MARCHF2: variants seen among roughly 807,000 people sequenced by gnomAD.
MARCHF2 encodes membrane associated ring-CH-type finger 2.
A neutral mutation model predicts 24.0 loss-of-function variants in MARCHF2; 22 were observed. That is an observed-to-expected ratio of 0.92 (90% CI 0.66 to 1.31). The LOEUF (loss-of-function observed/expected upper bound fraction) is 1.31. Among genes scored for constraint, MARCHF2 ranks in the 50% most tolerant of loss-of-function variants. The pLI is 0.00. For synonymous variants in MARCHF2, 154 were observed against 153.0 expected (o/e 1.01, Z -0.05); for missense variants, 301 against 335.3 (o/e 0.90, Z 0.80).
intron 4 of MARCHF2, among the ~76,000 whole-genome samples, chr19:8,435,020 ATT>A (rs199880511): frequency 3.8e-5 from 5 of 130,880 alleles, no homozygotes; most frequent in Non-Finnish European, 1.6e-5. Flanking sequence ...TTATTTTTTA[ATT>A]TTTTTTTTTT....
chr19:8,426,549 G>A, intron 2 of MARCHF2, 60 bp from the exon 3 acceptor site: 1 of 1,422,040 alleles, frequency 7.0e-7, no homozygotes. Flanking sequence ...CCAGTGGGTA[G>A]TGAAGCAGGT....
intron 2 of MARCHF2, among the ~76,000 whole-genome samples, chr19:8,424,942 C>T (rs1370749995): frequency 1.3e-5 from 2 of 152,224 alleles, no homozygotes; most frequent in South Asian, 4.1e-4. Flanking sequence ...TGGTCTCACT[C>T]TGTTGTCCAA....
At chr19:8,434,880 AT>A (rs1967672438) in intron 4 of MARCHF2, among the ~76,000 whole-genome samples, 1 of 150,080 alleles carries the variant, frequency 6.7e-6, no homozygotes, top group Non-Finnish European at 1.5e-5. Flanking sequence ...TAATTTTTGT[AT>A]TTTTAGTAGA....
rs373968381 is a variant in MARCHF2 at position 8,421,848 on chromosome 19, C to T, written c.8C>T (p.Thr3Met). Residue 3 changes from threonine to methionine, a missense_variant, in exon 2 of 5, where the codon ACG becomes ATG. Thr to Met is a moderately conservative substitution (Grantham distance 81, BLOSUM62 -1). Transcript: ENST00000215555. ...ACGGGGCTCCCGGTGGCCATGACGA[C>T]GGGTGACTGCTGCCACCTCCCCGGC... Reference protein sequence around the residue: MTTGDCCHLPGSL... With the variant: MTMGDCCHLPGSL... The T allele has an allele frequency of 4.2e-4, 671 of 1,608,158 alleles. 10 individuals carry two copies. The South Asian group carries it at 5.5e-3, about 13-fold the overall frequency.
intron 1 of MARCHF2, chr19:8,413,811 T>C (rs898864788): frequency 6.6e-5 from 10 of 152,224 alleles, no homozygotes; most frequent in Non-Finnish European, 1.0e-4. Context: ...TATAATATAA[T>C]GACCCAGCCA....
intron 4 of MARCHF2, among the ~76,000 whole-genome samples, chr19:8,431,723 A>G (rs1269832597): frequency 1.3e-5 from 2 of 151,766 alleles, no homozygotes; most frequent in Admixed American, 1.3e-4. Context: ...CTGTAATCCC[A>G]GCTACTCGGG....
chr19:8,420,475 G>A (rs1327493426), intron 1 of MARCHF2, among the ~76,000 whole-genome samples: 6 of 150,666 alleles, frequency 4.0e-5, no homozygotes, highest in Admixed American at 4.0e-4. Flanking sequence ...GGTGGAGGTT[G>A]CAGTGAGCTG....
chr19:8,421,190 T>C (rs1967227983), intron 1 of MARCHF2, among the ~76,000 whole-genome samples: 1 of 150,484 alleles, frequency 6.6e-6, no homozygotes, highest in Non-Finnish European at 1.5e-5. Flanking sequence ...TGGCGTGATC[T>C]CGGCTCACTG....
intron 1 of MARCHF2, among the ~76,000 whole-genome samples, chr19:8,419,855 TAAAAA>T (rs1019224137): frequency 2.3e-5 from 3 of 128,834 alleles, no homozygotes; most frequent in Non-Finnish European, 4.9e-5. Context: ...AAATAAAAAA[TAAAAA>T]TAAAAATAAA....
At chr19:8,426,250 AAAAG>A (rs1287545572) in intron 2 of MARCHF2, among the ~76,000 whole-genome samples, 7 of 149,348 alleles carry the variant, frequency 4.7e-5, no homozygotes, top group Admixed American at 3.3e-4. Context: ...AAAAAAAAAA[AAAAG>A]AGTTGAGGGT....
At chr19:8,424,664 C>CA (rs1042072236) in intron 2 of MARCHF2, among the ~76,000 whole-genome samples, 3 of 149,500 alleles carry the variant, frequency 2.0e-5, no homozygotes, top group South Asian at 2.1e-4. Flanking sequence ...AACACTGTCT[C>CA]AAAAAAAAGA....
intron 4 of MARCHF2, among the ~76,000 whole-genome samples, chr19:8,432,055 A>G (rs1224518847): frequency 6.6e-6 from 1 of 151,488 alleles, no homozygotes; most frequent in Non-Finnish European, 1.5e-5. Context: ...CTACTAGGGA[A>G]GTTGAGGCAG....
chr19:8,429,513 T>G (rs1001717339), intron 3 of MARCHF2, among the ~76,000 whole-genome samples: 10 of 123,848 alleles, frequency 8.1e-5, no homozygotes, highest in African/African-American at 3.0e-4. Context: ...ATTATTATTA[T>G]TATTATTTTG....
chr19:8,417,684 C>T (rs1240297903), intron 1 of MARCHF2, among the ~76,000 whole-genome samples: 2 of 151,772 alleles, frequency 1.3e-5, no homozygotes, highest in Admixed American at 6.6e-5. Flanking sequence ...GTGATCCGCC[C>T]GCCTCGGCCT....
Position 8,430,277 on chromosome 19 carries a change from C to T in MARCHF2, c.373-381C>T, listed in dbSNP as rs555783988. On this transcript the variant is annotated intron_variant, in intron 3 of 4. Coordinates refer to ENST00000215555, the MANE Select transcript of MARCHF2 (RefSeq NM_001005415.2). This position sits in a 1 kb window ranked among gnomAD's most constrained non-coding sequence, Gnocchi z 4.4. ...ACTCGGGAGGCTGAGGTGGGAGAAT[C>T]GCTTGAACCTGGGATGTTGAGGTTG... Among the ~76,000 whole-genome samples, 2 of 151,752 alleles carry T rather than the reference C, an allele frequency of 1.3e-5. No homozygotes were observed. The highest frequency in any genetic ancestry group is 2.4e-5 in the African/African-American group (1 of 41,404).
chr19:8,430,474 G>T lies in MARCHF2; in HGVS notation c.373-184G>T, dbSNP rs1244480832. On this transcript the variant is annotated intron_variant, in intron 3 of 4. Coordinates refer to ENST00000215555, the MANE Select transcript of MARCHF2 (RefSeq NM_001005415.2). This position sits in a 1 kb window ranked among gnomAD's most constrained non-coding sequence, Gnocchi z 4.4. ...TGCTTAAACCCAGAAGGTCGAGGTT[G>T]CAGTGAGCCGAGATCACACCATTGC... Among the ~76,000 whole-genome samples the T allele has an allele frequency of 6.6e-6, 1 of 151,904 alleles. No individual in the cohort carries two copies. Among genetic ancestry groups the T allele is most frequent in the Non-Finnish European group, 1.5e-5 (1 of 67,966 alleles).
intron 2 of MARCHF2, among the ~76,000 whole-genome samples, chr19:8,426,124 G>A (rs1293801378): frequency 2.6e-5 from 4 of 151,438 alleles, no homozygotes; most frequent in Admixed American, 2.0e-4. Context: ...CCAGCTACTC[G>A]GGAGGCTGAG....
At position 8,438,461 on chromosome 19, in the gene MARCHF2, G is replaced by C. The variant is rs34099346; in HGVS notation, c.656G>C (p.Arg219Pro). The C allele has an allele frequency of 0.14, 229,790 of 1,614,022 alleles. 19,064 individuals carry two copies. Among genetic ancestry groups the C allele is most frequent in the Admixed American group, 0.21 (12,611 of 59,984 alleles). ...KTNQKVRLKI[R>P]EADSPEGPQH... is the part of the protein sequence containing the mutation. ...AACCAGAAAGTTCGCCTGAAGATCCGGGAGGCGGACAGCCCCGAGGGCCCC... is the reference window on the plus strand; with the variant it reads ...AACCAGAAAGTTCGCCTGAAGATCCCGGAGGCGGACAGCCCCGAGGGCCCC... The change falls in exon 5 of 5, where the codon CGG becomes CCG. Residue 219 changes from arginine (R) to proline (P), a missense_variant. Transcript: ENST00000215555.
intron 4 of MARCHF2, among the ~76,000 whole-genome samples, chr19:8,434,167 C>T (rs1967653940): frequency 1.4e-5 from 2 of 145,332 alleles, no homozygotes; most frequent in South Asian, 4.4e-4. Context: ...TCACTGCCAT[C>T]TCCGCCTCCT....
Sources: allele counts gnomAD v4.1 joint callset (sites outside exome capture counted in the v4.1 genomes callset), GRCh38; gene constraint gnomAD v4.1.1; non-coding constraint Gnocchi (gnomAD v3.1); transcripts MANE v1.5; gene names NCBI Gene and HGNC (gene_info 2026-07-23, HGNC 2026-07-21).